The following LRP1B variants were observed in gnomAD, a reference collection of about 807,000 sequenced individuals.
LRP1B encodes low-density lipoprotein receptor-related protein 1B.
In LRP1B, 217 loss-of-function variants were observed where a neutral mutation model predicts 556.6. The observed-to-expected ratio is 0.39, with a 90% CI of 0.35 to 0.44. The LOEUF (loss-of-function observed/expected upper bound fraction) is 0.44, where lower values mean the gene tolerates loss of function less well. Among genes scored for constraint, LRP1B ranks in the 20% least tolerant of loss-of-function variants. LRP1B has a pLI of 1.00. For synonymous variants in LRP1B, 2,047 were observed against 1,865.8 expected, an observed-to-expected ratio of 1.10 and a Z score of -2.50; for missense variants, 5,053 against 5,620.8, an observed-to-expected ratio of 0.90 and a Z score of 3.23.
intron 3 of LRP1B, among the ~76,000 whole-genome samples, chr2:141,393,849 G>C (rs1254746400): frequency 3.3e-5 from 5 of 152,072 alleles, no homozygotes; most frequent in Admixed American, 3.3e-4. Context: ...ATACGTGTGT[G>C]TTATGTATTT....
chr2:141,275,222 A>T (rs968553630), intron 3 of LRP1B, among the ~76,000 whole-genome samples: 1 of 152,246 alleles, frequency 6.6e-6, no homozygotes, highest in African/African-American at 2.4e-5. Flanking sequence ...TATTCATAGC[A>T]TACTATGTGG....
chr2:141,099,124 A>G (rs1044421080), intron 7 of LRP1B, among the ~76,000 whole-genome samples: 13 of 152,274 alleles, frequency 8.5e-5, no homozygotes, highest in East Asian at 3.9e-4. Context: ...TCTAAAACCC[A>G]CTTTTAAAGA....
intron 7 of LRP1B, among the ~76,000 whole-genome samples, chr2:141,084,734 C>A (rs1011226991): frequency 7.3e-5 from 11 of 151,724 alleles, no homozygotes; most frequent in Non-Finnish European, 1.3e-4. Flanking sequence ...ACTGCAAGCT[C>A]CGCTTCCCGG....
At chr2:141,850,143 T>G (rs1697796954) in intron 1 of LRP1B, among the ~76,000 whole-genome samples, 1 of 151,748 alleles carries the variant, frequency 6.6e-6, no homozygotes, top group African/African-American at 2.4e-5. Context: ...TTAGTGATAA[T>G]TTTTCATTAT....
chr2:141,313,362 GA>G (rs548351934), intron 3 of LRP1B, among the ~76,000 whole-genome samples: 6 of 146,924 alleles, frequency 4.1e-5, no homozygotes, highest in Admixed American at 6.7e-5. Flanking sequence ...TGTAAAAAAA[GA>G]AAAAAAAACA....
At chr2:140,873,819 C>T (rs1052270286) in intron 25 of LRP1B, among the ~76,000 whole-genome samples, 1 of 151,424 alleles carries the variant, frequency 6.6e-6, no homozygotes, top group Non-Finnish European at 1.5e-5. Context: ...AAAGTATGTC[C>T]TTTTTAAACA....
chr2:140,524,788 C>T (rs1421897750), intron 49 of LRP1B, among the ~76,000 whole-genome samples: 2 of 151,674 alleles, frequency 1.3e-5, no homozygotes, highest in African/African-American at 4.8e-5. Context: ...ATACTGGGGA[C>T]TCCAAAAGGG....
chr2:140,548,913 A>G (rs1680444542), intron 43 of LRP1B, among the ~76,000 whole-genome samples: 1 of 152,116 alleles, frequency 6.6e-6, no homozygotes, highest in Non-Finnish European at 1.5e-5. Flanking sequence ...TGACAGAGCA[A>G]GACTCTGTCT....
chr2:141,270,802 A>G (rs1297331950), intron 3 of LRP1B, among the ~76,000 whole-genome samples: 3 of 151,990 alleles, frequency 2.0e-5, no homozygotes, highest in Admixed American at 6.6e-5. Flanking sequence ...ACAAGAATCC[A>G]TTACTTAATG....
At chr2:140,561,661 A>G (rs1262655849) in intron 43 of LRP1B, among the ~76,000 whole-genome samples, 10 of 152,282 alleles carry the variant, frequency 6.6e-5, no homozygotes, top group African/African-American at 2.2e-4. Flanking sequence ...AGTAATTAAT[A>G]TAAACTCATA....
At chr2:141,290,764 T>A (rs1297956986) in intron 3 of LRP1B, among the ~76,000 whole-genome samples, 1 of 152,178 alleles carries the variant, frequency 6.6e-6, no homozygotes, top group East Asian at 1.9e-4. Flanking sequence ...GTAATTTTTA[T>A]TTTGGGAATA....
intron 1 of LRP1B, among the ~76,000 whole-genome samples, chr2:142,115,303 G>A (rs72851467): frequency 4.8e-4 from 71 of 148,804 alleles, no homozygotes; most frequent in Non-Finnish European, 6.5e-4. Flanking sequence ...ATAAGAAAGC[G>A]CTCAAAAAAG....
In LRP1B at chr2:141,570,002, A is replaced by G. The variant is rs188280508; in HGVS notation, c.206-89469T>C. Among the ~76,000 whole-genome samples the G allele has an allele frequency of 8.9e-4, 134 of 151,158 alleles. 2 individuals are homozygous for G. Among genetic ancestry groups the G allele is most frequent in the African/African-American group, 3.2e-3 (132 of 41,444 alleles). The stretch of plus-strand genomic sequence containing the variant: ...AATCTCAGCACTTTGTGGGCCACAG[A>G]CAGGAGAAATGCTTGAGCCCAAGAG... On this transcript the variant is annotated intron_variant, in intron 2 of 90. Coordinates refer to ENST00000389484, the MANE Select transcript of LRP1B (RefSeq NM_018557.3).
chr2:140,862,911 A>G (rs964850107), intron 27 of LRP1B, among the ~76,000 whole-genome samples: 8 of 152,152 alleles, frequency 5.3e-5, no homozygotes, highest in Non-Finnish European at 8.8e-5. Flanking sequence ...GCTACGACAT[A>G]TATCTTATCC....
chr2:142,091,541 T>A (rs1306215504), intron 1 of LRP1B, among the ~76,000 whole-genome samples: 2 of 152,124 alleles, frequency 1.3e-5, no homozygotes, highest in African/African-American at 4.8e-5. Flanking sequence ...AGTTTAAAGA[T>A]GTGAGTGAAA....
chr2:141,363,241 T>A (rs1688900869), intron 3 of LRP1B, among the ~76,000 whole-genome samples: 1 of 152,216 alleles, frequency 6.6e-6, no homozygotes, highest in African/African-American at 2.4e-5. Flanking sequence ...CATTCAAGTA[T>A]TTAAATGAAT....
intron 16 of LRP1B, 95 bp from the exon 17 acceptor site, chr2:140,989,752 T>C (rs1459391560): frequency 8.4e-7 from 1 of 1,192,164 alleles, no homozygotes; most frequent in Non-Finnish European, 1.2e-6. Flanking sequence ...AGTAATAATA[T>C]TATAGTACAA....
intron 2 of LRP1B, among the ~76,000 whole-genome samples, chr2:141,515,576 T>TAAC (rs1684283656): frequency 9.2e-6 from 1 of 108,806 alleles, no homozygotes; most frequent in Non-Finnish European, 2.0e-5. Flanking sequence ...ATAAGAAAAT[T>TAAC]GACATTTCTC....
intron 80 of LRP1B, among the ~76,000 whole-genome samples, chr2:140,324,283 A>T (rs963517663): frequency 6.6e-6 from 1 of 152,036 alleles, no homozygotes; most frequent in Non-Finnish European, 1.5e-5. Context: ...ACATAAAAAT[A>T]CACTTCCATC....
Sources: allele counts gnomAD v4.1 joint callset (sites outside exome capture counted in the v4.1 genomes callset), GRCh38; gene constraint gnomAD v4.1.1; transcripts MANE v1.5; gene names NCBI Gene and HGNC (gene_info 2026-07-23, HGNC 2026-07-21).